WSB1: variants seen among roughly 807,000 people sequenced by gnomAD.
WSB1 encodes the protein WD repeat and SOCS box containing 1.
WSB1 carries 23 observed loss-of-function variants against 50.2 expected under a neutral mutation model. That is an observed-to-expected ratio of 0.46 (90% confidence interval 0.33 to 0.65). The LOEUF (loss-of-function observed/expected upper bound fraction) is 0.65, where lower values mean the gene tolerates loss of function less well. Among genes scored for constraint, WSB1 ranks in the 30% least tolerant of loss-of-function variants. The pLI is 0.02. For missense variants in WSB1, 492 were observed against 522.3 expected, an observed-to-expected ratio of 0.94 and a Z score of 0.56; for synonymous variants, 179 against 172.0, an observed-to-expected ratio of 1.04 and a Z score of -0.32.
Position 27,294,246 on chromosome 17 carries a change from TAGC to T in WSB1, c.-147_-145del. ...CCTTCGGGAGCTTTCCCGAGGCAGT[TAGC>T]AGAAGCCGCAGCGGCCGCCCCCGCC... is the stretch of plus-strand genomic sequence containing the variant. On this transcript the variant is annotated 5_prime_UTR_variant, in exon 1 of 9. Coordinates refer to ENST00000262394, the MANE Select transcript of WSB1 (RefSeq NM_015626.10). The T allele has an allele frequency of 9.4e-7, 1 of 1,061,010 alleles. No individual in the cohort carries two copies. Among genetic ancestry groups the T allele is most frequent in the Non-Finnish European group, 1.4e-6 (1 of 733,196 alleles). The allele number at this position is 1,061,010 out of a possible 1,614,324, so 65.7% of individuals were successfully genotyped here.
intron 5 of WSB1, chr17:27,307,505 G>T: frequency 1.9e-6 from 1 of 540,450 alleles, no homozygotes; most frequent in Non-Finnish European, 3.3e-6. Flanking sequence ...TAAAATGGTT[G>T]AAGTCCAAAT....
chr17:27,308,645 T>C, intron 5 of WSB1: 1 of 986,330 alleles, frequency 1.0e-6, no homozygotes, highest in Non-Finnish European at 1.2e-6. Context: ...CAAGTGATTA[T>C]CTCAAAGGGA....
At chr17:27,304,518 G>A (rs899845165) in intron 3 of WSB1, among the ~76,000 whole-genome samples, 1 of 110,996 alleles carries the variant, frequency 9.0e-6, no homozygotes, top group African/African-American at 3.7e-5. Flanking sequence ...GGGCAACATA[G>A]TGAGACTCCA....
At chr17:27,310,371 C>T (rs2017629879) in intron 7 of WSB1, among the ~76,000 whole-genome samples, 197 bp downstream of exon 7, 1 of 152,196 alleles carries the variant, frequency 6.6e-6, no homozygotes, top group African/African-American at 2.4e-5. Context: ...TCCCTGTGTT[C>T]CTTGTTTAAC....
chr17:27,306,061 C>T (rs1399637894), intron 4 of WSB1, among the ~76,000 whole-genome samples: 3 of 152,054 alleles, frequency 2.0e-5, no homozygotes, highest in African/African-American at 7.2e-5. Flanking sequence ...GTATAATACA[C>T]AAGGACTTTG....
chr17:27,299,060 C>T (rs1372394894), intron 1 of WSB1, among the ~76,000 whole-genome samples: 1 of 151,996 alleles, frequency 6.6e-6, no homozygotes, highest in African/African-American at 2.4e-5. Flanking sequence ...GCAGGGGTTG[C>T]AAATTCAGAG....
At position 27,294,395 on chromosome 17, in the gene WSB1, G is replaced by A; in HGVS notation, c.-1G>A. On this transcript the variant is annotated 5_prime_UTR_variant, in exon 1 of 9. Coordinates refer to ENST00000262394, the MANE Select transcript of WSB1 (RefSeq NM_015626.10). ...TCCCGGAATCAGACGGTGCCCCATA[G>A]ATGGCCAGCTTTCCCCCGAGGGTCA... 1 of 1,613,824 alleles carries A rather than the reference G, an allele frequency of 6.2e-7. No individual in the cohort carries two copies. Among genetic ancestry groups the A allele is most frequent in the Non-Finnish European group, 8.5e-7 (1 of 1,179,808 alleles).
chr17:27,304,292 ATTAG>A (rs1350558381), intron 3 of WSB1, among the ~76,000 whole-genome samples: 1 of 152,182 alleles, frequency 6.6e-6, no homozygotes, highest in African/African-American at 2.4e-5. Context: ...CTCTTACATT[ATTAG>A]TTAAATACAT....
intron 1 of WSB1, among the ~76,000 whole-genome samples, chr17:27,295,076 T>C (rs1203391264): frequency 6.6e-6 from 1 of 152,186 alleles, no homozygotes; most frequent in Admixed American, 6.5e-5. Flanking sequence ...TTTTCTGGCT[T>C]AGTGTCTAGC....
intron 1 of WSB1, among the ~76,000 whole-genome samples, chr17:27,295,194 A>C (rs1365754025): frequency 6.6e-6 from 1 of 152,220 alleles, no homozygotes; most frequent in Non-Finnish European, 1.5e-5. Context: ...TTTTAAAGTA[A>C]AATAACTGGA....
chr17:27,296,084 C>T (rs1408788386), intron 1 of WSB1, among the ~76,000 whole-genome samples: 1 of 152,166 alleles, frequency 6.6e-6, no homozygotes, highest in Non-Finnish European at 1.5e-5. Context: ...TCGCCCACCT[C>T]TGCCTCCCAA....
Position 27,311,603 on chromosome 17 carries a change from G to A in WSB1, c.1093G>A (p.Val365Ile). 1 of 1,000,862 alleles carries A rather than the reference G, an allele frequency of 1.0e-6. No individual in the cohort carries two copies. The highest frequency in any genetic ancestry group is 1.4e-5 in the South Asian group (1 of 71,356). The allele number at this position is 1,000,862 out of a possible 1,614,324, so 62.0% of individuals were successfully genotyped here. A position where few individuals can be genotyped will look rare whatever the true frequency, so the allele number is the denominator to read the frequency against. ...LCCAFSTDGS[V>I]LAAGTHDGSV... ...CTGTGCCTTCTCTACTGATGGCAGTGTTTTAGCTGCTGGGTAAATATATTT... is the reference window on the plus strand; with the variant it reads ...CTGTGCCTTCTCTACTGATGGCAGTATTTTAGCTGCTGGGTAAATATATTT... The change falls in exon 8 of 9, where the codon GTT becomes ATT. Residue 365 changes from valine (V) to isoleucine (I), a missense_variant. By Grantham distance (29) the Val-to-Ile change is conservative. Transcript: ENST00000262394.
rs756386888 is a variant in WSB1 at position 27,310,069 on chromosome 17, T to G, written c.893T>G (p.Phe298Cys). ...GDILMEFGHLFPPPTPIFAGG... is the reference protein window; with the variant it reads ...GDILMEFGHLCPPPTPIFAGG... ...CATATATTTGACCTCAGGCACCTGT[T>G]TCCCCCACCTACTCCAATATTTGCT... Residue 298 changes from phenylalanine (F) to cysteine (C), a missense_variant, in exon 7 of 9, where the codon TTT becomes TGT. Transcript: ENST00000262394. 1.9e-6 allele frequency: 3 copies of G among 1,613,920 alleles called. No individual in the cohort carries two copies. Among genetic ancestry groups the G allele is most frequent in the Non-Finnish European group, 2.5e-6 (3 of 1,179,918 alleles).
Position 27,303,642 on chromosome 17 carries a change from A to T in WSB1, c.478+7A>T, listed in dbSNP as rs1302298374. ...ATATGGGATGTATATACAGGTATGGATTCATAGTTTTTAAAGCAAATGTAT... is the reference window on the plus strand; with the variant it reads ...ATATGGGATGTATATACAGGTATGGTTTCATAGTTTTTAAAGCAAATGTAT... On this transcript the variant is annotated splice_region_variant and intron_variant, in intron 3 of 8. Coordinates refer to ENST00000262394, the MANE Select transcript of WSB1 (RefSeq NM_015626.10). 1.9e-6 allele frequency: 3 copies of T among 1,609,132 alleles called. No homozygotes were observed. Among genetic ancestry groups the T allele is most frequent in the Admixed American group, 3.4e-5 (2 of 59,688 alleles).
At position 27,309,085 on chromosome 17, in the gene WSB1, G is replaced by C. The variant is rs1239544533; in HGVS notation, c.712-15G>C. ...ATGTCTGAATGAAGCTATAACATTTGCCTTTTTATTGCAGGTTTTCCTTTG... is the reference window on the plus strand; with the variant it reads ...ATGTCTGAATGAAGCTATAACATTTCCCTTTTTATTGCAGGTTTTCCTTTG... On this transcript the variant is annotated splice_polypyrimidine_tract_variant and intron_variant, in intron 5 of 8. Coordinates refer to ENST00000262394, the MANE Select transcript of WSB1 (RefSeq NM_015626.10). The C allele has an allele frequency of 3.8e-6, 6 of 1,589,954 alleles. No individual in the cohort carries two copies. Among genetic ancestry groups the C allele is most frequent in the Non-Finnish European group, 4.3e-6 (5 of 1,165,174 alleles).
At chr17:27,300,669 C>T (rs1381609517) in intron 1 of WSB1, among the ~76,000 whole-genome samples, 3 of 151,030 alleles carry the variant, frequency 2.0e-5, no homozygotes, top group Non-Finnish European at 4.4e-5. Context: ...TTGAGAATCA[C>T]AAATATAATG....
intron 5 of WSB1, chr17:27,308,481 T>G (rs1476548531): frequency 4.9e-5 from 48 of 985,004 alleles, no homozygotes; most frequent in Non-Finnish European, 5.7e-5. Flanking sequence ...AATGTAATTG[T>G]ATTATTTTCA....
chr17:27,303,800 G>C (rs1430839350), intron 3 of WSB1, 165 bp downstream of exon 3: 2 of 819,492 alleles, frequency 2.4e-6, no homozygotes, highest in African/African-American at 1.7e-5. Context: ...TTCAGCTCAT[G>C]ATTTTAATTT....
chr17:27,309,618 C>G (rs532679011), intron 6 of WSB1, among the ~76,000 whole-genome samples: 2 of 150,218 alleles, frequency 1.3e-5, no homozygotes, highest in African/African-American at 2.4e-5. Flanking sequence ...GAGTCTTGCT[C>G]TGTCGCCAGG....
Sources: gnomAD v4.1 joint callset for allele counts (sites outside exome capture counted in the v4.1 genomes callset) on GRCh38, gnomAD v4.1.1 for gene constraint, MANE v1.5 for transcripts, NCBI Gene and HGNC (gene_info 2026-07-23, HGNC 2026-07-21) for gene names.